MSRB3: variants seen among roughly 807,000 people sequenced by gnomAD.
MSRB3 encodes the protein methionine sulfoxide reductase B3.
A neutral mutation model predicts 21.0 loss-of-function variants in MSRB3; 13 were observed. That is an observed-to-expected ratio of 0.62 (90% CI 0.40 to 0.98). The LOEUF (loss-of-function observed/expected upper bound fraction) is 0.98, where lower values mean the gene tolerates loss of function less well. Ranked by LOEUF, MSRB3 falls within the 50% of genes least tolerant of loss-of-function variation. The probability of loss-of-function intolerance (pLI) is 0.00; values close to 1 mark genes in which losing one functional copy is unlikely to be tolerated. For missense variants in MSRB3, 199 were observed against 230.3 expected (o/e 0.86, Z 0.88); for synonymous variants, 87 against 88.6 (o/e 0.98, Z 0.10).
intron 5 of MSRB3, among the ~76,000 whole-genome samples, chr12:65,387,333 C>T (rs1043441652): frequency 6.6e-6 from 1 of 151,868 alleles, no homozygotes; most frequent in African/African-American, 2.4e-5. Context: ...TTTTTTTCCC[C>T]CTTGGACACA....
At chr12:65,329,196 G>T (rs1875249563) in intron 4 of MSRB3, among the ~76,000 whole-genome samples, 1 of 152,148 alleles carries the variant, frequency 6.6e-6, no homozygotes, top group Admixed American at 6.5e-5. Flanking sequence ...GACTAAAATA[G>T]TTCATTCAGA....
At chr12:65,326,355 T>G (rs1480931408) in intron 2 of MSRB3, among the ~76,000 whole-genome samples, 1 of 152,166 alleles carries the variant, frequency 6.6e-6, no homozygotes, top group Admixed American at 6.5e-5. Flanking sequence ...GGTAGTTAAA[T>G]CATCCACAAT....
At chr12:65,319,580 T>A (rs1387537447) in intron 2 of MSRB3, among the ~76,000 whole-genome samples, 1 of 152,182 alleles carries the variant, frequency 6.6e-6, no homozygotes, top group Non-Finnish European at 1.5e-5. Flanking sequence ...TTTTCTTATC[T>A]TTCCTGCTAA....
intron 5 of MSRB3, among the ~76,000 whole-genome samples, chr12:65,387,534 C>T (rs540061619): frequency 6.6e-6 from 1 of 152,082 alleles, no homozygotes; most frequent in African/African-American, 2.4e-5. Context: ...TTGTGAATTG[C>T]TTATTAACTT....
intron 5 of MSRB3, among the ~76,000 whole-genome samples, chr12:65,396,528 T>G (rs567467913): frequency 2.6e-5 from 4 of 152,078 alleles, no homozygotes; most frequent in African/African-American, 9.7e-5. Context: ...CTGTCTCTAC[T>G]AAAAATACAA....
At position 65,429,464 on chromosome 12, in the gene MSRB3, A is replaced by T. The variant is rs139632410; in HGVS notation, c.293-24264A>T. Among the ~76,000 whole-genome samples the T allele has an allele frequency of 6.5e-3, 991 of 152,114 alleles. 8 individuals carry two copies. The highest frequency in any genetic ancestry group is 7.3e-3 in the Non-Finnish European group (497 of 67,974). ...AGCACAAGGGGAAGAGTGGTTTGAG[A>T]TGTGTTTGGAGAGGTAGGCAGGAGT... On this transcript the variant is annotated intron_variant, in intron 5 of 6. Coordinates refer to ENST00000308259, the MANE Select transcript of MSRB3 (RefSeq NM_001031679.3).
chr12:65,346,524 A>G (rs1177664800), intron 4 of MSRB3, among the ~76,000 whole-genome samples: 4 of 152,120 alleles, frequency 2.6e-5, no homozygotes, highest in East Asian at 1.9e-4. Flanking sequence ...ATTTTCTCCC[A>G]TTCTGTAGGT....
chr12:65,313,558 C>A (rs544489874), intron 2 of MSRB3, among the ~76,000 whole-genome samples: 75 of 152,138 alleles, frequency 4.9e-4, no homozygotes, highest in Admixed American at 9.2e-4. Context: ...TTCTGAAACT[C>A]TTCAAAGGGG....
At chr12:65,451,280 A>G (rs1882847534) in intron 5 of MSRB3, among the ~76,000 whole-genome samples, 1 of 151,902 alleles carries the variant, frequency 6.6e-6, no homozygotes, top group Admixed American at 6.6e-5. Flanking sequence ...TTTATTTTTG[A>G]CTGTCTCTTC....
chr12:65,401,511 G>A (rs971865798), intron 5 of MSRB3, among the ~76,000 whole-genome samples: 2 of 152,088 alleles, frequency 1.3e-5, no homozygotes, highest in African/African-American at 2.4e-5. Flanking sequence ...GTCTTTGCAC[G>A]TGAGATGGGT....
At chr12:65,432,630 G>T (rs753913347) in intron 5 of MSRB3, among the ~76,000 whole-genome samples, 1 of 151,484 alleles carries the variant, frequency 6.6e-6, no homozygotes, top group Non-Finnish European at 1.5e-5. Context: ...CCCATCCCCC[G>T]CCATCCCCAT....
intron 4 of MSRB3, among the ~76,000 whole-genome samples, chr12:65,346,965 G>A (rs12301711): frequency 0.095 from 14,427 of 152,046 alleles, 2,324 homozygotes; most frequent in African/African-American, 0.33. Flanking sequence ...TGGTACCAGT[G>A]CCATGCTGTT....
intron 1 of MSRB3, chr12:65,286,377 GTACTTTA>G (rs1872348396): frequency 1.3e-5 from 2 of 152,200 alleles, no homozygotes; most frequent in African/African-American, 4.8e-5. Context: ...GCCAGACAAT[GTACTTTA>G]TACTAAGACT....
chr12:65,464,295 T>C lies in MSRB3; in HGVS notation c.*973T>C, dbSNP rs1170404174. 1.3e-5 allele frequency: 2 copies of C among 151,558 alleles called. No individual in the cohort carries two copies. Among genetic ancestry groups the C allele is most frequent in the Non-Finnish European group, 2.9e-5 (2 of 67,964 alleles). The allele number at this position is 151,558 out of a possible 1,614,324, so 9.4% of individuals were successfully genotyped here. On this transcript the variant is annotated 3_prime_UTR_variant, in exon 7 of 7. Coordinates refer to ENST00000308259, the MANE Select transcript of MSRB3 (RefSeq NM_001031679.3). ...TCTCAAAAAATAATAATAATAACAA[T>C]ATAAGAACTAGCTGGGCATGGTGGC...
chr12:65,364,638 T>C (rs1398615934), intron 4 of MSRB3, among the ~76,000 whole-genome samples: 1 of 152,210 alleles, frequency 6.6e-6, no homozygotes, highest in Non-Finnish European at 1.5e-5. Flanking sequence ...TAGATATGTA[T>C]CTTTCTTTTT....
At chr12:65,418,752 C>G in intron 5 of MSRB3, 2 of 937,048 alleles carry the variant, frequency 2.1e-6, no homozygotes, top group Admixed American at 3.4e-5. Context: ...TGTCATTGAT[C>G]TCAGACACCA....
At chr12:65,421,855 G>A (rs1881314798) in intron 5 of MSRB3, among the ~76,000 whole-genome samples, 1 of 152,138 alleles carries the variant, frequency 6.6e-6, no homozygotes, top group African/African-American at 2.4e-5. Context: ...ACAACACAAT[G>A]ACAGGATCAA....
At chr12:65,352,681 G>A (rs1275114530) in intron 4 of MSRB3, among the ~76,000 whole-genome samples, 2 of 151,814 alleles carry the variant, frequency 1.3e-5, no homozygotes, top group Admixed American at 1.3e-4. Context: ...CAGACAAACA[G>A]AGAGCCAAAT....
At chr12:65,327,736 A>G (rs578142905) in intron 3 of MSRB3, among the ~76,000 whole-genome samples, 4 of 152,324 alleles carry the variant, frequency 2.6e-5, no homozygotes, top group African/African-American at 9.6e-5. Flanking sequence ...TTAACAGGCA[A>G]CACTCTCTTC....
Sources: allele counts gnomAD v4.1 joint callset (sites outside exome capture counted in the v4.1 genomes callset), GRCh38; gene constraint gnomAD v4.1.1; transcripts MANE v1.5; gene names NCBI Gene and HGNC (gene_info 2026-07-23, HGNC 2026-07-21).